The following TTN variants were observed in gnomAD, a reference collection of about 807,000 sequenced individuals.
TTN encodes the protein titin, also known as connectin.
A neutral mutation model predicts 3,223.0 loss-of-function variants in TTN; 1,525 were observed. That is an observed-to-expected ratio of 0.47 (90% CI 0.45 to 0.49). TTN has a LOEUF of 0.49. TTN is among the 20% of genes least tolerant of loss of function. The probability of loss-of-function intolerance (pLI) is 0.00; values close to 1 mark genes in which losing one functional copy is unlikely to be tolerated. For missense variants in TTN, 40,786 were observed against 43,424.0 expected (o/e 0.94, Z 5.40); for synonymous variants, 14,094 against 15,161.0 (o/e 0.93, Z 5.17).
At position 178,590,157 on chromosome 2, in the gene TTN, A is replaced by C. The variant is rs1461050183; in HGVS notation, c.61568T>G (p.Val20523Gly). 12 of 1,612,920 alleles carry C rather than the reference A, an allele frequency of 7.4e-6. No individual in the cohort carries two copies. The highest frequency in any genetic ancestry group is 1.0e-5 in the Non-Finnish European group (12 of 1,179,446). Residue 20523 changes from valine (V) to glycine (G), a missense_variant, in exon 304 of 363, where the codon GTG becomes GGG. Physicochemically the swap from Val to Gly is moderately radical, Grantham distance 109 (BLOSUM62 -3). Coordinates refer to ENST00000589042, the MANE Select transcript of TTN (RefSeq NM_001267550.2). Reference sequence around the variant, plus strand: ...ACGAGGTAGATCCTGAATAAGGTCCACCCTCTTTTCTCGGACCAATACTTT... The same window carrying C: ...ACGAGGTAGATCCTGAATAAGGTCCCCCCTCTTTTCTCGGACCAATACTTT... ...EGKVLVREKR[V>G]DLIQDLPRVE...
At chr2:178,650,114 T>C (rs2154248438) in intron 210 of TTN, 50 bp downstream of exon 210, 2 of 1,498,262 alleles carry the variant, frequency 1.3e-6, no homozygotes, top group African/African-American at 2.8e-5. Flanking sequence ...TATATAGACA[T>C]GAAAAATGAA....
At chr2:178,802,034 G>C (rs573555825) in intron 3 of TTN, 104 bp downstream of exon 3, 2 of 1,386,850 alleles carry the variant, frequency 1.4e-6, no homozygotes, top group African/African-American at 1.4e-5. Context: ...TGTAGTTTAA[G>C]AGCTGCATCT....
rs368081453 is a variant in TTN, at chr2:178,712,496, C to A, written c.27426G>T (p.Ser9142=). ...TTATGCCATTTTTCTTCCAGGTAAC[C>A]GAAATGGGAGGAGTTCCAGTGAATG... The part of the protein sequence containing the change: ...EGTFTGTPPI[S]VTWKKNGINV... The change falls in exon 95 of 363, where the codon TCG becomes TCT. Residue 9142 remains serine (S), a synonymous_variant. Coordinates refer to ENST00000589042, the MANE Select transcript of TTN (RefSeq NM_001267550.2). The A allele has an allele frequency of 1.8e-5, 29 of 1,613,678 alleles. No homozygotes were observed. The East Asian group carries it at 3.1e-4, about 17-fold the overall frequency.
chr2:178,606,439 C>T (rs2054844789), intron 278 of TTN, among the ~76,000 whole-genome samples: 1 of 151,784 alleles, frequency 6.6e-6, no homozygotes, highest in Admixed American at 6.6e-5. Flanking sequence ...ATGGGTCTTC[C>T]TCAAAGCCTT....
Position 178,562,822 on chromosome 2 carries a change from A to T in TTN, c.83310T>A (p.Pro27770=). 6.2e-7 allele frequency: 1 copy of T among 1,612,988 alleles called. No homozygotes were observed. The highest frequency in any genetic ancestry group is 1.1e-5 in the South Asian group (1 of 91,028). ...TCACTTCTCTTATGGTCAAATTCAC[A>T]GGGGCACTTGGTGAGTCAAGAACTC... ...NVRVLDSPSA[P]VNLTIREVKK... The change falls in exon 326 of 363, where the codon CCT becomes CCA. Residue 27770 remains proline (P), a synonymous_variant. Coordinates refer to ENST00000589042, the MANE Select transcript of TTN (RefSeq NM_001267550.2).
Position 178,589,361 on chromosome 2 carries a change from C to G in TTN, c.62364G>C (p.Arg20788Ser). The change falls in exon 304 of 363, where the codon AGG (arginine) becomes AGC (serine). Residue 20788 changes from arginine (R) to serine (S), a missense_variant. Coordinates refer to ENST00000589042, the MANE Select transcript of TTN (RefSeq NM_001267550.2). Reference sequence around the variant, plus strand: ...GTTTGCCTCTAACCCCTGCCTCAAGCCTAATGGTGTCCCCTGCTTTGACAG... The same window carrying G: ...GTTTGCCTCTAACCCCTGCCTCAAGGCTAATGGTGTCCCCTGCTTTGACAG... ...VLTVKAGDTI[R>S]LEAGVRGKPF... 1 of 1,613,394 alleles carries G rather than the reference C, an allele frequency of 6.2e-7. No individual in the cohort carries two copies. The highest frequency in any genetic ancestry group is 8.5e-7 in the Non-Finnish European group (1 of 1,179,616).
At chr2:178,744,521 G>C in intron 47 of TTN, 1 of 863,812 alleles carries the variant, frequency 1.2e-6, no homozygotes. Flanking sequence ...CAAAATTAAA[G>C]AGTTACTTTA....
At chr2:178,677,485 G>A in intron 146 of TTN, 136 bp downstream of exon 146, 1 of 921,218 alleles carries the variant, frequency 1.1e-6, no homozygotes. Flanking sequence ...ACACATGTCT[G>A]GAATGTTTTC....
rs767098152 is a variant in TTN at position 178,748,731 on chromosome 2, T to C, written c.11311+4393A>G. 9.3e-6 allele frequency: 15 copies of C among 1,612,622 alleles called. No homozygotes were observed. Among genetic ancestry groups the C allele is most frequent in the Admixed American group, 6.7e-5 (4 of 59,836 alleles). ...CTTTTAGAAATTGCAGGTTTATCTA[T>C]AAGACTTATTTTTTCCTGTTGTTCC... On this transcript the variant is annotated intron_variant, in intron 47 of 362. Transcript: ENST00000589042.
At position 178,792,121 on chromosome 2, in the gene TTN, C is replaced by T. The variant is rs985354175; in HGVS notation, c.1613G>A (p.Arg538Lys). ...TTTCTTAGTAATTTCTTCAGAAATT[C>T]TAGTTTCTTGTTCTTTGGCTTTAGC... ...SAAKAKEQET[R>K]ISEEITKKQK... Residue 538 changes from arginine to lysine, a missense_variant, in exon 10 of 363, where the codon AGA (arginine) becomes AAA (lysine). Physicochemically the swap from Arg to Lys is conservative, Grantham distance 26. Coordinates refer to ENST00000589042, the MANE Select transcript of TTN (RefSeq NM_001267550.2). 12 of 1,612,284 alleles carry T rather than the reference C, an allele frequency of 7.4e-6. No individual in the cohort carries two copies. Among genetic ancestry groups the T allele is most frequent in the Non-Finnish European group, 1.0e-5 (12 of 1,179,224 alleles).
rs755009358 is a variant in TTN at position 178,533,872 on chromosome 2, G to A, written c.102743C>T (p.Thr34248Ile). ...CCTTTCCAGGAGTCTCATTGTGTCT[G>A]TTCTGCGCTTAATTTTCTTCATGGT... ...RRTMKKIKRRTDTMRLLERPP... is the reference protein window; with the variant it reads ...RRTMKKIKRRIDTMRLLERPP... The change falls in exon 358 of 363, where the codon ACA becomes ATA. Residue 34248 changes from threonine (T) to isoleucine (I), a missense_variant. Physicochemically the swap from Thr to Ile is moderately conservative, Grantham distance 89. Transcript: ENST00000589042. 1 of 1,613,884 alleles carries A rather than the reference G, an allele frequency of 6.2e-7. No individual in the cohort carries two copies. The highest frequency in any genetic ancestry group is 1.7e-5 in the Admixed American group (1 of 60,020).
At chr2:178,551,365 A>T in intron 335 of TTN, 105 bp from the exon 336 acceptor site, 1 of 875,126 alleles carries the variant, frequency 1.1e-6, no homozygotes, top group Non-Finnish European at 1.5e-6. Flanking sequence ...TAAATAAGTA[A>T]AATTTTTATA....
At chr2:178,668,854 A>G (rs1020030752) in intron 159 of TTN, among the ~76,000 whole-genome samples, 1 of 152,062 alleles carries the variant, frequency 6.6e-6, no homozygotes, top group African/African-American at 2.4e-5. Context: ...AAATTATTTA[A>G]ACCTAATTTT....
rs1019110358 is a variant in TTN at position 178,566,523 on chromosome 2, C to G, written c.79609G>C (p.Val26537Leu). 33 of 1,613,442 alleles carry G rather than the reference C, an allele frequency of 2.0e-5. No homozygotes were observed. The highest frequency in any genetic ancestry group is 2.7e-5 in the Non-Finnish European group (32 of 1,179,684). Residue 26537 changes from valine to leucine, a missense_variant, in exon 326 of 363, where the codon GTT becomes CTT. Physicochemically the swap from Val to Leu is conservative, Grantham distance 32 (BLOSUM62 1). Transcript: ENST00000589042. ...ACTCTCAGGCCAGTCTGTGGAGTAA[C>G]TATTTGCCATTCTTCTTCATCTGCT... ...CKADEEEWQI[V>L]TPQTGLRVTR...
Position 178,720,026 on chromosome 2 carries a change from G to T in TTN, c.23616C>A (p.Asn7872Lys), listed in dbSNP as rs181206334. The change falls in exon 81 of 363, where the codon AAC (asparagine) becomes AAA (lysine). Residue 7872 changes from asparagine (N) to lysine (K), a missense_variant. Physicochemically the swap from Asn to Lys is moderately conservative, Grantham distance 94 (BLOSUM62 0). Coordinates refer to ENST00000589042, the MANE Select transcript of TTN (RefSeq NM_001267550.2). ...CAGAGCATTCTCTCATTCCAGCATC[G>T]TTTTTGATTTGGCATATATATTTTC... ...NSGKYICQIK[N>K]DAGMRECSAV... 15 of 1,613,014 alleles carry T rather than the reference G, an allele frequency of 9.3e-6. No homozygotes were observed. The highest frequency in any genetic ancestry group is 1.3e-5 in the Non-Finnish European group (15 of 1,179,346).
intron 305 of TTN, 39 bp downstream of exon 305, chr2:178,587,860 T>A: frequency 1.3e-6 from 2 of 1,567,952 alleles, no homozygotes; most frequent in Non-Finnish European, 1.7e-6. Context: ...TCATAAGAAA[T>A]TAAGTGTGAA....
At position 178,741,772 on chromosome 2, in the gene TTN, T is replaced by C. The variant is rs867402675; in HGVS notation, c.11461A>G (p.Ile3821Val). ...GCATTTGACACTTCTTTGATGAAAA[T>C]TGGGCCAGTGCCTTCCTTTTCGGAA... is the stretch of plus-strand genomic sequence containing the variant. ...FDSEKEGTGP[I>V]FIKEVSNADI... is the part of the protein sequence containing the mutation. Residue 3821 changes from isoleucine to valine, a missense_variant, in exon 48 of 363, where the codon ATT becomes GTT. Coordinates refer to ENST00000589042, the MANE Select transcript of TTN (RefSeq NM_001267550.2). 21 of 1,613,518 alleles carry C rather than the reference T, an allele frequency of 1.3e-5. 1 individual carries two copies. In the East Asian group the frequency reaches 2.9e-4, roughly 22 times the overall value.
Position 178,770,420 on chromosome 2 carries a change from T to A in TTN, c.8372A>T (p.His2791Leu), listed in dbSNP as rs1471706164. The stretch of plus-strand genomic sequence containing the variant: ...TTTCTAAATCAACTTACTCTCCACG[T>A]GCAGTCTGGCACTGGCTCCAAGCCT... ...LGRLGASARLHVETVKIIKKP... is the reference protein window; with the variant it reads ...LGRLGASARLLVETVKIIKKP... The change falls in exon 35 of 363, where the codon CAC becomes CTC. Residue 2791 changes from histidine to leucine, a missense_variant. By Grantham distance (99) the His-to-Leu change is moderately conservative. Coordinates refer to ENST00000589042, the MANE Select transcript of TTN (RefSeq NM_001267550.2). 6.2e-7 allele frequency: 1 copy of A among 1,614,078 alleles called. No homozygotes were observed. The highest frequency in any genetic ancestry group is 1.3e-5 in the African/African-American group (1 of 74,944).
chr2:178,675,630 C>T (rs2067912132), intron 149 of TTN, 41 bp downstream of exon 149: 6 of 1,355,298 alleles, frequency 4.4e-6, no homozygotes, highest in African/African-American at 2.9e-5. Context: ...CACAGTTCAA[C>T]ATCGGTGCAG....
Sources: allele counts gnomAD v4.1 joint callset (sites outside exome capture counted in the v4.1 genomes callset), GRCh38; gene constraint gnomAD v4.1.1; transcripts MANE v1.5; gene names NCBI Gene and HGNC (gene_info 2026-07-23, HGNC 2026-07-21).